Variants in RCOR2 observed in about 807,000 individuals in gnomAD.
RCOR2 encodes the protein REST corepressor 2.
In RCOR2, 19 loss-of-function variants were observed where a neutral mutation model predicts 58.9. The ratio of observed to expected loss-of-function variants is 0.32; its 90% CI spans 0.23 to 0.47. The LOEUF is 0.47. RCOR2 is among the 20% of genes least tolerant of loss of function. The pLI is 1.00. For missense variants in RCOR2, 590 were observed against 707.9 expected (o/e 0.83, Z 1.89); for synonymous variants, 286 against 278.7 (o/e 1.03, Z -0.26).
Position 63,916,434 on chromosome 11 carries a change from G to T in RCOR2, c.23C>A (p.Pro8Gln), listed in dbSNP as rs1419207228. The T allele has an allele frequency of 1.2e-6, 2 of 1,607,882 alleles. No individual in the cohort carries two copies. The highest frequency in any genetic ancestry group is 1.7e-6 in the Non-Finnish European group (2 of 1,178,064). ...GGACAGGATCCCAGAGCCCGCGCTC[G>T]GCTTCTCCATCACTGAGGGCATTAC... MPSVMEK[P>Q]SAGSGILSRS... The change falls in exon 1 of 12, where the codon CCG (proline) becomes CAG (glutamine). Residue 8 changes from proline (P) to glutamine (Q), a missense_variant. Coordinates refer to ENST00000301459, the MANE Select transcript of RCOR2 (RefSeq NM_173587.4).
intron 3 of RCOR2, 37 bp downstream of exon 3, chr11:63,915,141 C>T: frequency 6.5e-7 from 1 of 1,537,490 alleles, no homozygotes; most frequent in Admixed American, 2.0e-5. Flanking sequence ...CTGGGATGAA[C>T]CCAAGCCCCC....
chr11:63,923,548 G>A, the RCOR2 span, among the ~76,000 whole-genome samples: 5 of 152,130 alleles, frequency 3.3e-5, no homozygotes, highest in African/African-American at 1.2e-4. Context: ...CATTTAGCGG[G>A]TATGTTCTCA....
chr11:63,920,347 G>T (rs565256223), upstream of RCOR2, among the ~76,000 whole-genome samples: 123 of 152,368 alleles, frequency 8.1e-4, no homozygotes, highest in Non-Finnish European at 1.3e-3. Context: ...GTGACCTTGG[G>T]CAAGCCATCC....
chr11:63,917,198 G>A (rs928982301), upstream of RCOR2, among the ~76,000 whole-genome samples: 1 of 145,494 alleles, frequency 6.9e-6, no homozygotes, highest in Non-Finnish European at 1.5e-5. Flanking sequence ...GCCGGCTGCG[G>A]CCTCAGCACC....
upstream of RCOR2, among the ~76,000 whole-genome samples, chr11:63,917,617 G>A (rs1042281508): frequency 6.6e-6 from 1 of 152,158 alleles, no homozygotes; most frequent in African/African-American, 2.4e-5. Context: ...GCCCTTGGGG[G>A]CCAGAACGGA....
chr11:63,916,780 C>G lies in RCOR2; in HGVS notation c.-324G>C, dbSNP rs1205966883. The G allele has an allele frequency of 1.1e-5, 3 of 266,392 alleles. No individual in the cohort carries two copies. The highest frequency in any genetic ancestry group is 2.1e-5 in the Non-Finnish European group (3 of 140,284). 16.5% of individuals were successfully genotyped at this position (266,392 alleles called of 1,614,324 possible). A position where few individuals can be genotyped will look rare whatever the true frequency, so the allele number is the denominator to read the frequency against. ...TTGGGGTTCCCCTGAAGTCGGGGCCCCCTGTCCTCGGGGCGCCCTGGAACC... is the reference window on the plus strand; with the variant it reads ...TTGGGGTTCCCCTGAAGTCGGGGCCGCCTGTCCTCGGGGCGCCCTGGAACC... On this transcript the variant is annotated 5_prime_UTR_variant, in exon 1 of 12. Coordinates refer to ENST00000301459, the MANE Select transcript of RCOR2 (RefSeq NM_173587.4).
Position 63,911,911 on chromosome 11 carries a change from G to A in RCOR2, c.1526C>T (p.Pro509Leu), listed in dbSNP as rs761767716. 7.6e-7 allele frequency: 1 copy of A among 1,322,548 alleles called. No homozygotes were observed. Among genetic ancestry groups the A allele is most frequent in the Non-Finnish European group, 1.0e-6 (1 of 990,694 alleles). 81.9% of individuals were successfully genotyped at this position (1,322,548 alleles called of 1,614,324 possible). ...CTCCAGAGGGGTTCCAATCAGGGTG[G>A]GTGGGGGCTGAGGGCCAGGGCGGGC... ...HSARPGPQPP[P>L]TLIGTPLEPP... Residue 509 changes from proline (P) to leucine (L), a missense_variant, in exon 12 of 12, where the codon CCC becomes CTC. Transcript: ENST00000301459.
intron 8 of RCOR2, among the ~76,000 whole-genome samples, chr11:63,913,184 AT>A (rs71039683): frequency 0.031 from 2,450 of 77,802 alleles, 32 homozygotes; most frequent in South Asian, 0.1. Flanking sequence ...ATATATATAT[AT>A]TTTTTTTTTT....
At position 63,911,809 on chromosome 11, in the gene RCOR2, TG is replaced by T; in HGVS notation, c.*55del. ...TGTCCTCAGTGACACCAGAGATGCC[TG>T]GGGATGGCCAGCAAAGGGGTCCTGG... On this transcript the variant is annotated 3_prime_UTR_variant, in exon 12 of 12. Coordinates refer to ENST00000301459, the MANE Select transcript of RCOR2 (RefSeq NM_173587.4). 6.8e-7 allele frequency: 1 copy of T among 1,469,984 alleles called. No homozygotes were observed. 91.1% of individuals were successfully genotyped at this position (1,469,984 alleles called of 1,614,324 possible).
At chr11:63,912,847 C>T (rs1284309735) in intron 9 of RCOR2, 23 bp downstream of exon 9, 2 of 1,612,690 alleles carry the variant, frequency 1.2e-6, no homozygotes, top group Non-Finnish European at 1.7e-6. Context: ...CCCTTTGCAC[C>T]CTAACTTAAA....
upstream of RCOR2, among the ~76,000 whole-genome samples, chr11:63,920,251 G>T (rs1359975764): frequency 6.6e-6 from 1 of 152,274 alleles, no homozygotes; most frequent in African/African-American, 2.4e-5. Context: ...TCTGCGCTCT[G>T]CCTGCTGGGT....
Position 63,916,996 on chromosome 11 carries a change from G to C in RCOR2, c.-540C>G, listed in dbSNP as rs1447066758. On this transcript the variant is annotated 5_prime_UTR_variant, in exon 1 of 12. Transcript: ENST00000301459. ...CGGCGGCGGCGGCGGCGACGGCGGC[G>C]GGACGGCGCGCACGGCGCGCGGCGC... Among the ~76,000 whole-genome samples, 4 of 146,814 alleles carry C rather than the reference G, an allele frequency of 2.7e-5. No homozygotes were observed. Among genetic ancestry groups the C allele is most frequent in the Non-Finnish European group, 1.5e-5 (1 of 66,020 alleles).
At chr11:63,913,909 C>G in intron 8 of RCOR2, 45 bp downstream of exon 8, 1 of 1,570,090 alleles carries the variant, frequency 6.4e-7, no homozygotes, top group Non-Finnish European at 8.8e-7. Flanking sequence ...TTCCCAGGTG[C>G]CGAATGCCAC....
chr11:63,919,648 T>G (rs1941903346), upstream of RCOR2, among the ~76,000 whole-genome samples: 1 of 152,136 alleles, frequency 6.6e-6, no homozygotes, highest in Non-Finnish European at 1.5e-5. Context: ...TCCTGCAGCC[T>G]GAGGCAGCGG....
chr11:63,911,498 C>A lies in RCOR2; in HGVS notation c.*367G>T, dbSNP rs909298654. 3.8e-5 allele frequency: 6 copies of A among 158,538 alleles called. No individual in the cohort carries two copies. The highest frequency in any genetic ancestry group is 7.8e-5 in the Non-Finnish European group (6 of 77,298). The allele number at this position is 158,538 out of a possible 1,614,324, so 9.8% of individuals were successfully genotyped here. On this transcript the variant is annotated 3_prime_UTR_variant, in exon 12 of 12. Coordinates refer to ENST00000301459, the MANE Select transcript of RCOR2 (RefSeq NM_173587.4). ...AAAAGAAGGGAAAGAGGAATGAGAA[C>A]AGCCAGCACACCCAACTGCCCTCTC... is the stretch of plus-strand genomic sequence containing the variant.
chr11:63,920,072 AGTCTATATGAT>A (rs1941905363), upstream of RCOR2, among the ~76,000 whole-genome samples: 1 of 152,178 alleles, frequency 6.6e-6, no homozygotes, highest in Non-Finnish European at 1.5e-5. Context: ...CAGAGACACA[AGTCTATATGAT>A]GCCTGTGGTG....
At chr11:63,915,873 A>G (rs1941849777) in intron 1 of RCOR2, among the ~76,000 whole-genome samples, 1 of 152,166 alleles carries the variant, frequency 6.6e-6, no homozygotes, top group Admixed American at 6.5e-5. Context: ...CAGGCCAAGC[A>G]GGGTGCTTTG....
intron 9 of RCOR2, 30 bp downstream of exon 9, chr11:63,912,840 T>C: frequency 1.2e-6 from 2 of 1,611,764 alleles, no homozygotes; most frequent in Non-Finnish European, 1.7e-6. Flanking sequence ...GAAACCCCCC[T>C]TTGCACCCTA....
upstream of RCOR2, among the ~76,000 whole-genome samples, chr11:63,920,740 C>A (rs926825345): frequency 3.9e-5 from 6 of 152,252 alleles, no homozygotes; most frequent in Admixed American, 2.0e-4. Flanking sequence ...GGGCCCCCAC[C>A]CTCTCAGTCC....
Sources: allele counts gnomAD v4.1 joint callset (sites outside exome capture counted in the v4.1 genomes callset), GRCh38; gene constraint gnomAD v4.1.1; transcripts MANE v1.5; gene names NCBI Gene and HGNC (gene_info 2026-07-23, HGNC 2026-07-21).